The following GPC5 variants were observed in gnomAD, a reference collection of about 807,000 sequenced individuals.
GPC5 encodes the protein glypican 5.
In GPC5, 47 loss-of-function variants were observed where a neutral mutation model predicts 53.9. The ratio of observed to expected loss-of-function variants is 0.87; its 90% confidence interval spans 0.69 to 1.11. GPC5 has a LOEUF of 1.11. Among genes scored for constraint, GPC5 ranks in the 50% most tolerant of loss-of-function variants. The pLI, the probability that GPC5 is intolerant of heterozygous loss-of-function variation, is 0.00. For synonymous variants in GPC5, 286 were observed against 263.3 expected (o/e 1.09, Z -0.84); for missense variants, 748 against 713.1 (o/e 1.05, Z -0.56).
rs1481322076 is a variant in GPC5 at position 91,693,891 on chromosome 13, A to G, written c.1020+10A>G. On this transcript the variant is annotated intron_variant, in intron 3 of 7. Coordinates refer to ENST00000377067, the MANE Select transcript of GPC5 (RefSeq NM_004466.6). Reference sequence around the variant, plus strand: ...AAAATTATTGGAACAGGTAAGTAGGAGCTCCACATTTTCAGTCTGACTTCT... The same window carrying G: ...AAAATTATTGGAACAGGTAAGTAGGGGCTCCACATTTTCAGTCTGACTTCT... 3 of 1,565,514 alleles carry G rather than the reference A, an allele frequency of 1.9e-6. No individual in the cohort carries two copies. The highest frequency in any genetic ancestry group is 2.3e-5 in the South Asian group (2 of 87,718).
In GPC5 at chr13:92,654,828, T is replaced by C. The variant is rs553493857; in HGVS notation, c.1562-211454T>C. ...CTGGGCCCTGTGAATGTGACTTTAT[T>C]TGAAAACAGAGCATTTTCAAATGTA... On this transcript the variant is annotated intron_variant, in intron 7 of 7. Coordinates refer to ENST00000377067, the MANE Select transcript of GPC5 (RefSeq NM_004466.6). Among the ~76,000 whole-genome samples, 4 of 152,296 alleles carry C rather than the reference T, an allele frequency of 2.6e-5. No individual in the cohort carries two copies. The South Asian group carries it at 6.2e-4, about 24-fold the overall frequency.
rs1389898032 is a variant in GPC5 at position 92,751,522 on chromosome 13, G to C, written c.1562-114760G>C. ...AGCAGCAGCTGCACTTATACATCAA[G>C]TACCTTTCGGTAACACATGAGTCTT... On this transcript the variant is annotated intron_variant, in intron 7 of 7. Transcript: ENST00000377067. Among the ~76,000 whole-genome samples, 6 of 146,732 alleles carry C rather than the reference G, an allele frequency of 4.1e-5. No homozygotes were observed. In the South Asian group the frequency reaches 1.1e-3, roughly 27 times the overall value.
At chr13:91,853,896 A>G (rs1424180885) in intron 5 of GPC5, among the ~76,000 whole-genome samples, 3 of 151,964 alleles carry the variant, frequency 2.0e-5, no homozygotes, top group Non-Finnish European at 2.9e-5. Context: ...TGCTACCAGT[A>G]TGTTCCAATC....
chr13:92,508,811 A>T (rs1880466068), intron 7 of GPC5, among the ~76,000 whole-genome samples: 1 of 152,234 alleles, frequency 6.6e-6, no homozygotes, highest in Non-Finnish European at 1.5e-5. Flanking sequence ...AATCATGAAG[A>T]ATTTGACTGT....
intron 2 of GPC5, among the ~76,000 whole-genome samples, chr13:91,493,934 C>A (rs543255679): frequency 6.6e-6 from 1 of 152,178 alleles, no homozygotes; most frequent in African/African-American, 2.4e-5. Flanking sequence ...AGTACAGTAG[C>A]ACAGTCTCTG....
intron 7 of GPC5, among the ~76,000 whole-genome samples, chr13:92,806,855 A>G (rs910277707): frequency 3.3e-5 from 5 of 152,076 alleles, no homozygotes; most frequent in African/African-American, 1.2e-4. Flanking sequence ...AGTTGGAAAT[A>G]TGGCAAGGAT....
At chr13:92,119,370 A>ACAT (rs2041626686) in intron 6 of GPC5, among the ~76,000 whole-genome samples, 1 of 148,864 alleles carries the variant, frequency 6.7e-6, no homozygotes, top group Admixed American at 6.7e-5. Flanking sequence ...TCACCTATAT[A>ACAT]CATTCACATT....
At chr13:92,175,326 T>C (rs2042102003) in intron 7 of GPC5, among the ~76,000 whole-genome samples, 1 of 152,230 alleles carries the variant, frequency 6.6e-6, no homozygotes, top group Non-Finnish European at 1.5e-5. Flanking sequence ...ATATTTTGTA[T>C]CTATACATAT....
chr13:91,840,153 TA>T (rs917831929), intron 5 of GPC5, among the ~76,000 whole-genome samples: 52 of 151,508 alleles, frequency 3.4e-4, no homozygotes, highest in African/African-American at 1.0e-3. Flanking sequence ...GCTTCAACAT[TA>T]AAAAAAAATT....
chr13:91,695,890 C>A (rs981721343), intron 3 of GPC5, among the ~76,000 whole-genome samples: 22 of 152,232 alleles, frequency 1.4e-4, no homozygotes, highest in Admixed American at 7.9e-4. Flanking sequence ...TAAAATCTAT[C>A]CTGTAGAAAA....
At chr13:91,465,625 G>A (rs1237372927) in intron 2 of GPC5, among the ~76,000 whole-genome samples, 2 of 151,806 alleles carry the variant, frequency 1.3e-5, no homozygotes, top group Non-Finnish European at 2.9e-5. Flanking sequence ...GTAAGCTCTG[G>A]GCTAATTCCA....
At chr13:92,484,479 C>T (rs1879478923) in intron 7 of GPC5, 1 of 152,110 alleles carries the variant, frequency 6.6e-6, no homozygotes, top group Non-Finnish European at 1.5e-5. Flanking sequence ...GTTATGCATA[C>T]TATATGACTG....
chr13:92,248,293 C>G (rs1385141800), intron 7 of GPC5, among the ~76,000 whole-genome samples: 1 of 151,950 alleles, frequency 6.6e-6, no homozygotes, highest in East Asian at 1.9e-4. Flanking sequence ...GGTGTACCAA[C>G]AAATCAAGCT....
chr13:91,478,795 TTATATATA>T (rs757436599), intron 2 of GPC5, among the ~76,000 whole-genome samples: 2,356 of 55,398 alleles, frequency 0.043, 228 homozygotes, highest in African/African-American at 0.15. Context: ...CCATTTGAGT[TTATATATA>T]TATATATATA....
At chr13:92,177,002 G>A (rs908381682) in intron 7 of GPC5, among the ~76,000 whole-genome samples, 13 of 152,018 alleles carry the variant, frequency 8.6e-5, no homozygotes, top group Admixed American at 1.3e-4. Context: ...TGCTATTTCC[G>A]TCATTGTTTT....
chr13:91,568,114 C>T (rs2031618025), intron 2 of GPC5, among the ~76,000 whole-genome samples: 1 of 152,132 alleles, frequency 6.6e-6, no homozygotes, highest in Non-Finnish European at 1.5e-5. Flanking sequence ...GTCCCACTAG[C>T]CATGTGGAAG....
intron 6 of GPC5, among the ~76,000 whole-genome samples, chr13:92,028,094 G>A (rs555092971): frequency 6.6e-6 from 1 of 152,276 alleles, no homozygotes; most frequent in South Asian, 2.1e-4. Context: ...GATTCCTAAT[G>A]ATAAGTAGAG....
intron 1 of GPC5, among the ~76,000 whole-genome samples, chr13:91,401,185 T>G (rs1876925282): frequency 6.6e-6 from 1 of 152,188 alleles, no homozygotes; most frequent in Non-Finnish European, 1.5e-5. Context: ...GGCATTCATA[T>G]AGGAATTTGA....
Position 92,520,205 on chromosome 13 carries a change from G to A in GPC5, c.1562-346077G>A, listed in dbSNP as rs142014538. 7.3e-4 allele frequency among the ~76,000 whole-genome samples: 111 copies of A among 152,230 alleles called. 5 individuals are homozygous for A. The East Asian group carries it at 0.021, about 29-fold the overall frequency. On this transcript the variant is annotated intron_variant, in intron 7 of 7. Transcript: ENST00000377067. The stretch of plus-strand genomic sequence containing the variant: ...AGCAGAATTCTACCAGAGGTACAAG[G>A]AGGAGCTGGTACCATTCCTTCTGAA...
Sources: gnomAD v4.1 joint callset for allele counts (sites outside exome capture counted in the v4.1 genomes callset) on GRCh38, gnomAD v4.1.1 for gene constraint, MANE v1.5 for transcripts, NCBI Gene and HGNC (gene_info 2026-07-23, HGNC 2026-07-21) for gene names.